Variants in GTF2E2 observed in about 807,000 individuals in gnomAD.
GTF2E2 encodes transcription initiation factor IIE subunit beta.
A neutral mutation model predicts 40.5 loss-of-function variants in GTF2E2; 21 were observed. The ratio of observed to expected loss-of-function variants is 0.52; its 90% confidence interval spans 0.37 to 0.75. The LOEUF (loss-of-function observed/expected upper bound fraction) is 0.75. Among genes scored for constraint, GTF2E2 ranks in the 30% least tolerant of loss-of-function variants. The pLI is 0.00. For missense variants in GTF2E2, 298 were observed against 338.4 expected (o/e 0.88, Z 0.94); for synonymous variants, 117 against 121.6 (o/e 0.96, Z 0.25).
chr8:30,578,988 AAGCG>A lies in GTF2E2; in HGVS notation c.805_808del (p.Arg269LeufsTer12). 1 of 1,611,698 alleles carries A rather than the reference AAGCG, an allele frequency of 6.2e-7. No individual in the cohort carries two copies. The highest frequency in any genetic ancestry group is 8.5e-7 in the Non-Finnish European group (1 of 1,177,752). On this transcript the variant is annotated frameshift_variant, in exon 8 of 8. Coordinates refer to ENST00000355904, the MANE Select transcript of GTF2E2 (RefSeq NM_002095.6). LOFTEE classifies it high-confidence loss of function. ...AGCCAAGTGTTCGTTATGAGTCTTA[AAGCG>A]TCGCTTTTTCTGTGAAGCAGGCTTT...
At chr8:30,595,709 G>A (rs1461424285) in intron 6 of GTF2E2, among the ~76,000 whole-genome samples, 3 of 152,076 alleles carry the variant, frequency 2.0e-5, no homozygotes, top group Non-Finnish European at 4.4e-5. Context: ...GCATGTACCT[G>A]CAGTCCTAGC....
chr8:30,622,095 G>T, intron 3 of GTF2E2, among the ~76,000 whole-genome samples: 1 of 150,348 alleles, frequency 6.7e-6, no homozygotes, highest in Non-Finnish European at 1.5e-5. Context: ...TTTACATTAG[G>T]TATATCTCCT....
intron 6 of GTF2E2, among the ~76,000 whole-genome samples, chr8:30,593,942 T>G (rs1828920157): frequency 6.6e-6 from 1 of 152,184 alleles, no homozygotes; most frequent in South Asian, 2.1e-4. Context: ...TTTTTTATCT[T>G]TCTTTCGAGA....
chr8:30,623,979 G>C (rs1801191034), intron 3 of GTF2E2, among the ~76,000 whole-genome samples: 1 of 151,976 alleles, frequency 6.6e-6, no homozygotes, highest in Non-Finnish European at 1.5e-5. Context: ...CACTCAGATG[G>C]TAGTTTCTTT....
intron 6 of GTF2E2, among the ~76,000 whole-genome samples, chr8:30,600,999 G>A (rs1019744476): frequency 2.5e-4 from 38 of 152,210 alleles, no homozygotes; most frequent in Admixed American, 6.5e-5. Flanking sequence ...AAACGTGTCC[G>A]TTTTCAATGG....
chr8:30,586,597 G>A (rs918823938), intron 6 of GTF2E2, among the ~76,000 whole-genome samples: 26 of 152,142 alleles, frequency 1.7e-4, no homozygotes, highest in African/African-American at 6.3e-4. Flanking sequence ...AATCTTGAGC[G>A]AAACAAACAA....
intron 2 of GTF2E2, among the ~76,000 whole-genome samples, chr8:30,636,441 G>A (rs1801601303): frequency 6.6e-6 from 1 of 152,196 alleles, no homozygotes; most frequent in African/African-American, 2.4e-5. Flanking sequence ...ACAGCTTCTA[G>A]ATGGCAATAC....
At chr8:30,587,627 C>T (rs1828719779) in intron 6 of GTF2E2, among the ~76,000 whole-genome samples, 1 of 152,016 alleles carries the variant, frequency 6.6e-6, no homozygotes, top group South Asian at 2.1e-4. Context: ...AATCCCAGCA[C>T]TTTGGGAGGC....
chr8:30,628,930 C>CAA lies in GTF2E2; in HGVS notation c.258+6100_258+6101dup, dbSNP rs200464263. On this transcript the variant is annotated intron_variant, in intron 3 of 7. Coordinates refer to ENST00000355904, the MANE Select transcript of GTF2E2 (RefSeq NM_002095.6). ...TGGGCAAGAGAGTGAGACTCCGTCT[C>CAA]AAAAAAAAAAAAAAAAAATTTTACC... 3.9e-3 allele frequency among the ~76,000 whole-genome samples: 278 copies of CAA among 70,626 alleles called. 1 individual carries two copies. Among genetic ancestry groups the CAA allele is most frequent in the African/African-American group, 0.013 (260 of 19,668 alleles). 46.3% of individuals were successfully genotyped at this position (70,626 alleles called of 152,430 possible).
Position 30,578,680 on chromosome 8 carries a change from C to T in GTF2E2, c.*241G>A. The T allele has an allele frequency of 2.7e-6, 1 of 369,890 alleles. No individual in the cohort carries two copies. Among genetic ancestry groups the T allele is most frequent in the South Asian group, 4.2e-5 (1 of 23,690 alleles). The allele number at this position is 369,890 out of a possible 1,614,324, so 22.9% of individuals were successfully genotyped here. ...AAAACACAGCAAAGACACCTGCATG[C>T]CACGCTCAGCGCCTTTCTCCCAGGG... On this transcript the variant is annotated 3_prime_UTR_variant, in exon 8 of 8. Coordinates refer to ENST00000355904, the MANE Select transcript of GTF2E2 (RefSeq NM_002095.6).
chr8:30,640,617 A>G (rs1388602174), intron 2 of GTF2E2, among the ~76,000 whole-genome samples: 1 of 152,230 alleles, frequency 6.6e-6, no homozygotes, highest in African/African-American at 2.4e-5. Context: ...TGCTTTTCAT[A>G]AAGAATGTTT....
intron 4 of GTF2E2, 129 bp downstream of exon 4, chr8:30,614,479 C>G (rs552879603): frequency 2.0e-5 from 11 of 557,134 alleles, no homozygotes; most frequent in Non-Finnish European, 3.2e-5. Context: ...ACTCGGGAGG[C>G]TGAGTCAGCA....
chr8:30,614,007 A>C (rs965936430), intron 4 of GTF2E2, among the ~76,000 whole-genome samples: 6 of 152,238 alleles, frequency 3.9e-5, no homozygotes, highest in Non-Finnish European at 7.3e-5. Flanking sequence ...CTTATGCTTT[A>C]AATTTCCTAA....
chr8:30,608,960 A>T (rs527992648), intron 5 of GTF2E2, among the ~76,000 whole-genome samples: 1 of 151,964 alleles, frequency 6.6e-6, no homozygotes, highest in East Asian at 2.0e-4. Context: ...CATGTTAGCC[A>T]GGACGGTCTC....
intron 2 of GTF2E2, among the ~76,000 whole-genome samples, chr8:30,636,283 C>G (rs935655909): frequency 6.6e-6 from 1 of 152,072 alleles, no homozygotes; most frequent in African/African-American, 2.4e-5. Flanking sequence ...TATAAAGTTC[C>G]CATGTGGCTG....
chr8:30,611,061 T>G (rs1829461918), intron 5 of GTF2E2, among the ~76,000 whole-genome samples: 1 of 152,190 alleles, frequency 6.6e-6, no homozygotes, highest in South Asian at 2.1e-4. Flanking sequence ...TTGAGAATAT[T>G]ATGCTAAGTG....
At chr8:30,619,085 G>A (rs1240429640) in intron 3 of GTF2E2, among the ~76,000 whole-genome samples, 1 of 151,996 alleles carries the variant, frequency 6.6e-6, no homozygotes, top group Non-Finnish European at 1.5e-5. Flanking sequence ...GAGACTACAG[G>A]CATGTGCCAC....
intron 2 of GTF2E2, among the ~76,000 whole-genome samples, chr8:30,648,748 G>A (rs1480760527): frequency 6.6e-6 from 1 of 152,222 alleles, no homozygotes; most frequent in Non-Finnish European, 1.5e-5. Flanking sequence ...GGGTCCTTGA[G>A]TGACTATAAC....
rs1802511371 is a variant in GTF2E2, at chr8:30,658,195, G to T, written c.-227C>A. On this transcript the variant is annotated 5_prime_UTR_variant, in exon 1 of 8. Transcript: ENST00000355904. ...TAGCTGAGGCGGCGACTGGACCCGGGACTCCGCCCGCCACTTCCCGATCGG... is the reference window on the plus strand; with the variant it reads ...TAGCTGAGGCGGCGACTGGACCCGGTACTCCGCCCGCCACTTCCCGATCGG... The T allele has an allele frequency of 1.1e-5, 2 of 188,314 alleles. No individual in the cohort carries two copies. Among genetic ancestry groups the T allele is most frequent in the South Asian group, 1.6e-4 (2 of 12,178 alleles). The allele number at this position is 188,314 out of a possible 1,614,324, so 11.7% of individuals were successfully genotyped here. A position where few individuals can be genotyped will look rare whatever the true frequency, so the allele number is the denominator to read the frequency against.
Sources: allele counts gnomAD v4.1 joint callset (sites outside exome capture counted in the v4.1 genomes callset), GRCh38; gene constraint gnomAD v4.1.1; transcripts MANE v1.5; gene names NCBI Gene and HGNC (gene_info 2026-07-23, HGNC 2026-07-21).